Variants in CLVS1 observed in about 807,000 individuals in gnomAD.
CLVS1 encodes the protein clavesin 1, also known as clavesin-1.
A neutral mutation model predicts 33.1 loss-of-function variants in CLVS1; 10 were observed. The ratio of observed to expected loss-of-function variants is 0.30; its 90% CI spans 0.19 to 0.51. CLVS1 has a LOEUF of 0.51. Among genes scored for constraint, CLVS1 ranks in the 20% least tolerant of loss-of-function variants. The probability of loss-of-function intolerance (pLI) is 0.97; values close to 1 mark genes in which losing one functional copy is unlikely to be tolerated. For synonymous variants in CLVS1, 163 were observed against 166.1 expected, an observed-to-expected ratio of 0.98 and a Z score of 0.14; for missense variants, 343 against 433.4, an observed-to-expected ratio of 0.79 and a Z score of 1.85.
chr8:61,134,011 G>A (rs1210740652), intron 2 of CLVS1, among the ~76,000 whole-genome samples: 2 of 152,110 alleles, frequency 1.3e-5, no homozygotes, highest in African/African-American at 2.4e-5. Context: ...GAGAGAATGA[G>A]CTCAATGGAG....
At chr8:61,333,863 C>T (rs1474492618) in intron 2 of CLVS1, among the ~76,000 whole-genome samples, 2 of 152,126 alleles carry the variant, frequency 1.3e-5, no homozygotes, top group Admixed American at 1.3e-4. Context: ...CCAACCTCCA[C>T]CCTCCAATAG....
At chr8:61,499,000 G>A (rs1221222351) in intron 5 of CLVS1, among the ~76,000 whole-genome samples, 4 of 152,146 alleles carry the variant, frequency 2.6e-5, no homozygotes, top group Admixed American at 1.3e-4. Flanking sequence ...AGATGCTGGG[G>A]CAGAGTGTGG....
chr8:61,276,399 G>A (rs148621896), intron 2 of CLVS1, among the ~76,000 whole-genome samples: 6 of 152,268 alleles, frequency 3.9e-5, no homozygotes, highest in African/African-American at 9.6e-5. Flanking sequence ...CAGTCCCAGC[G>A]GAAGGTGTAT....
chr8:61,080,764 G>A (rs1805005717), intron 1 of CLVS1, among the ~76,000 whole-genome samples: 1 of 152,174 alleles, frequency 6.6e-6, no homozygotes, highest in South Asian at 2.1e-4. Context: ...AAAGATAGAT[G>A]CCCAAAAGAC....
intron 3 of CLVS1, among the ~76,000 whole-genome samples, chr8:61,427,091 C>T (rs1287645047): frequency 1.3e-5 from 2 of 152,146 alleles, no homozygotes; most frequent in African/African-American, 2.4e-5. Flanking sequence ...CAAGTACAAT[C>T]CAACCACTAA....
chr8:61,026,962 C>A, the CLVS1 span, among the ~76,000 whole-genome samples: 1 of 152,156 alleles, frequency 6.6e-6, no homozygotes, highest in East Asian at 1.9e-4. Flanking sequence ...ATGAAACTTG[C>A]GTGATTAGTC....
chr8:61,297,666 G>C (rs1210801062), intron 1 of CLVS1, among the ~76,000 whole-genome samples: 1 of 152,162 alleles, frequency 6.6e-6, no homozygotes, highest in Non-Finnish European at 1.5e-5. Context: ...AGATCTGAAA[G>C]GAGCTACGGA....
chr8:61,309,057 A>G (rs1365929586), intron 2 of CLVS1, among the ~76,000 whole-genome samples: 2 of 152,218 alleles, frequency 1.3e-5, no homozygotes, highest in East Asian at 1.9e-4. Context: ...GGGTGGCTCA[A>G]TGTAAACAAC....
chr8:61,002,255 T>G, the CLVS1 span, among the ~76,000 whole-genome samples: 1 of 151,858 alleles, frequency 6.6e-6, no homozygotes, highest in African/African-American at 2.4e-5. Flanking sequence ...GTACTGGGAT[T>G]ACAGACAAGA....
intron 2 of CLVS1, among the ~76,000 whole-genome samples, chr8:61,266,285 TTTTC>T (rs1309259811): frequency 8.5e-6 from 1 of 118,256 alleles, no homozygotes; most frequent in African/African-American, 3.8e-5. Context: ...ACCCTCCAAA[TTTTC>T]TTTCTTTTTT....
chr8:61,432,109 A>C (rs1816137018), intron 3 of CLVS1, among the ~76,000 whole-genome samples: 1 of 152,224 alleles, frequency 6.6e-6, no homozygotes, highest in Non-Finnish European at 1.5e-5. Context: ...TATGTTATAA[A>C]AAAGTATGCC....
intron 5 of CLVS1, among the ~76,000 whole-genome samples, chr8:61,480,354 G>A (rs1818138764): frequency 6.6e-6 from 1 of 152,214 alleles, no homozygotes; most frequent in Non-Finnish European, 1.5e-5. Flanking sequence ...CAATGAGCAA[G>A]GCTCCGTGGG....
chr8:61,018,284 C>G, the CLVS1 span, among the ~76,000 whole-genome samples: 1 of 152,164 alleles, frequency 6.6e-6, no homozygotes, highest in South Asian at 2.1e-4. Context: ...TTTCTCTCCT[C>G]CTTACTGTCG....
the CLVS1 span, among the ~76,000 whole-genome samples, chr8:61,024,856 CTTT>C: frequency 1.4e-5 from 2 of 143,018 alleles, no homozygotes; most frequent in Admixed American, 7.0e-5. Flanking sequence ...TTTTTTCTTT[CTTT>C]TTTTTTTTTA....
chr8:61,287,844 G>A (rs1263360317), upstream of CLVS1: 2 of 337,480 alleles, frequency 5.9e-6, no homozygotes, highest in Non-Finnish European at 1.2e-5. Context: ...TGTCCCAGAT[G>A]TTAACAAAAT....
intron 2 of CLVS1, among the ~76,000 whole-genome samples, chr8:61,147,600 C>A (rs926504699): frequency 2.4e-4 from 37 of 152,062 alleles, no homozygotes; most frequent in African/African-American, 8.5e-4. Flanking sequence ...GAAAATGTCT[C>A]CATATCCTCA....
the CLVS1 span, among the ~76,000 whole-genome samples, chr8:60,974,307 C>T: frequency 1.3e-5 from 2 of 152,160 alleles, no homozygotes; most frequent in African/African-American, 2.4e-5. Flanking sequence ...GTGGAGCTGC[C>T]AAACTGCTCT....
chr8:61,367,891 G>C (rs992334470), intron 2 of CLVS1, among the ~76,000 whole-genome samples: 1 of 152,144 alleles, frequency 6.6e-6, no homozygotes, highest in African/African-American at 2.4e-5. Context: ...CTTCCACAAC[G>C]TACAGAATCA....
At chr8:61,389,556 A>T (rs1186580420) in intron 3 of CLVS1, among the ~76,000 whole-genome samples, 1 of 152,132 alleles carries the variant, frequency 6.6e-6, no homozygotes, top group Non-Finnish European at 1.5e-5. Context: ...AAAAAAGACA[A>T]ATAACAGCTG....
Sources: gnomAD v4.1 joint callset for allele counts (sites outside exome capture counted in the v4.1 genomes callset) on GRCh38, gnomAD v4.1.1 for gene constraint, MANE v1.5 for transcripts, NCBI Gene and HGNC (gene_info 2026-07-23, HGNC 2026-07-21) for gene names.